GAS2L3: variants seen among roughly 807,000 people sequenced by gnomAD.
The protein encoded by GAS2L3 is GAS2-like protein 3.
In GAS2L3, 28 loss-of-function variants were observed where a neutral mutation model predicts 37.0. The ratio of observed to expected loss-of-function variants is 0.76; its 90% CI spans 0.56 to 1.04. The LOEUF (loss-of-function observed/expected upper bound fraction) is 1.04. Among genes scored for constraint, GAS2L3 ranks in the 50% least tolerant of loss-of-function variants. GAS2L3 has a pLI of 0.00. For missense variants in GAS2L3, 793 were observed against 817.6 expected (o/e 0.97, Z 0.37); for synonymous variants, 290 against 296.6 (o/e 0.98, Z 0.23).
intron 6 of GAS2L3, among the ~76,000 whole-genome samples, chr12:100,613,006 C>A (rs113617998): frequency 8.4e-4 from 128 of 152,324 alleles, no homozygotes; most frequent in African/African-American, 2.9e-3. Context: ...CATCTGGGCA[C>A]CCCTATCCAG....
intron 5 of GAS2L3, among the ~76,000 whole-genome samples, chr12:100,603,681 G>T (rs943186563): frequency 6.6e-6 from 1 of 151,990 alleles, no homozygotes; most frequent in Non-Finnish European, 1.5e-5. Flanking sequence ...TGCTTATGGG[G>T]TATTACTCAC....
intron 5 of GAS2L3, among the ~76,000 whole-genome samples, chr12:100,610,602 T>C (rs1208604052): frequency 6.6e-6 from 1 of 151,940 alleles, no homozygotes; most frequent in Non-Finnish European, 1.5e-5. Flanking sequence ...TGGAAATAAA[T>C]AGTAACAGGA....
At chr12:100,600,331 C>A in intron 3 of GAS2L3, 51 bp from the exon 4 acceptor site, 1 of 1,199,788 alleles carries the variant, frequency 8.3e-7, no homozygotes, top group Non-Finnish European at 1.2e-6. Flanking sequence ...ATTATGATGA[C>A]TTTTAGCAAA....
chr12:100,616,266 A>G (rs929901870), intron 6 of GAS2L3, among the ~76,000 whole-genome samples: 1 of 151,892 alleles, frequency 6.6e-6, no homozygotes, highest in African/African-American at 2.4e-5. Context: ...TTTTCGTTTC[A>G]TTTTCAGACT....
intron 9 of GAS2L3, among the ~76,000 whole-genome samples, chr12:100,622,838 A>G (rs1956276882): frequency 6.7e-6 from 1 of 149,140 alleles, no homozygotes; most frequent in African/African-American, 2.4e-5. Context: ...TTAAACAGAA[A>G]ATATTTTTCT....
intron 1 of GAS2L3, among the ~76,000 whole-genome samples, chr12:100,590,978 A>C (rs2136422350): frequency 6.6e-6 from 1 of 152,276 alleles, no homozygotes; most frequent in South Asian, 2.1e-4. Context: ...AATATGGTGC[A>C]GTGTATACTG....
intron 5 of GAS2L3, among the ~76,000 whole-genome samples, chr12:100,607,061 T>A (rs1465039881): frequency 6.6e-6 from 1 of 152,216 alleles, no homozygotes; most frequent in African/African-American, 2.4e-5. Flanking sequence ...CTCATTAACA[T>A]CCTTTTCTTT....
At chr12:100,613,788 G>A (rs1344379302) in intron 6 of GAS2L3, among the ~76,000 whole-genome samples, 1 of 151,892 alleles carries the variant, frequency 6.6e-6, no homozygotes, top group African/African-American at 2.4e-5. Flanking sequence ...TAGAGGCTGG[G>A]TTACACCATG....
In GAS2L3 at chr12:100,601,636, A is replaced by G. The variant is rs1386676229; in HGVS notation, c.188-2A>G. 8.3e-7 allele frequency: 1 copy of G among 1,210,298 alleles called. No individual in the cohort carries two copies. The highest frequency in any genetic ancestry group is 1.5e-5 in the African/African-American group (1 of 67,086). The allele number at this position is 1,210,298 out of a possible 1,614,324, so 75.0% of individuals were successfully genotyped here. A position where few individuals can be genotyped will look rare whatever the true frequency, so the allele number is the denominator to read the frequency against. ...ATTCTTAACTTTGAAATATGTTTTT[A>G]GGTATTAAAGTTAAGGCAGAAAAAT... On this transcript the variant is annotated splice_acceptor_variant, in intron 4 of 9. Coordinates refer to ENST00000547754, the MANE Select transcript of GAS2L3 (RefSeq NM_174942.3). LOFTEE classifies it high-confidence loss of function.
At chr12:100,617,844 T>C (rs761889392) in intron 7 of GAS2L3, 37 bp downstream of exon 7, 11 of 1,203,620 alleles carry the variant, frequency 9.1e-6, no homozygotes, top group South Asian at 7.7e-5. Context: ...TTCAATGTTA[T>C]AAACATTTTA....
rs550346966 is a variant in GAS2L3, at chr12:100,591,873, C to T, written c.-31+17C>T. On this transcript the variant is annotated intron_variant, in intron 2 of 9. Coordinates refer to ENST00000547754, the MANE Select transcript of GAS2L3 (RefSeq NM_174942.3). ...GTCTTTATGGTGAGTTATTTTAGTA[C>T]ACATTAAGAAATACATGAAATATGA... The T allele has an allele frequency of 6.6e-6, 1 of 152,010 alleles. No homozygotes were observed. Among genetic ancestry groups the T allele is most frequent in the African/African-American group, 2.4e-5 (1 of 41,394 alleles). The allele number at this position is 152,010 out of a possible 1,614,324, so 9.4% of individuals were successfully genotyped here. A position where few individuals can be genotyped will look rare whatever the true frequency, so the allele number is the denominator to read the frequency against.
intron 6 of GAS2L3, among the ~76,000 whole-genome samples, chr12:100,613,056 G>C (rs1956145308): frequency 6.6e-6 from 1 of 152,148 alleles, no homozygotes; most frequent in African/African-American, 2.4e-5. Flanking sequence ...CCCTCTGTTT[G>C]CACCTTGCTT....
At chr12:100,607,616 A>G (rs1463571899) in intron 5 of GAS2L3, among the ~76,000 whole-genome samples, 4 of 151,302 alleles carry the variant, frequency 2.6e-5, no homozygotes, top group African/African-American at 9.7e-5. Context: ...GTTGTTTTTT[A>G]TCTTTTCTTT....
intron 4 of GAS2L3, 46 bp from the exon 5 acceptor site, chr12:100,601,592 G>T: frequency 1.1e-6 from 1 of 870,622 alleles, no homozygotes; most frequent in Non-Finnish European, 2.0e-6. Context: ...TAACCATATT[G>T]TTTTTATGTT....
At chr12:100,592,063 A>C (rs1342416127) in intron 2 of GAS2L3, among the ~76,000 whole-genome samples, 1 of 152,170 alleles carries the variant, frequency 6.6e-6, no homozygotes, top group East Asian at 1.9e-4. Flanking sequence ...ATTTTGACAT[A>C]CAGAAAGGCA....
intron 6 of GAS2L3, among the ~76,000 whole-genome samples, chr12:100,615,129 G>A (rs1328787136): frequency 1.3e-5 from 2 of 152,138 alleles, no homozygotes; most frequent in Non-Finnish European, 2.9e-5. Flanking sequence ...TGCCAGCAGT[G>A]CCCAATGTTC....
In GAS2L3 at chr12:100,623,201, A is replaced by C. The variant is rs11110443; in HGVS notation, c.757-361A>C. Reference sequence around the variant, plus strand: ...GTAGTGCACAGAGCATAGGACTTAGAGTTAAAATTTGTGGATAATCTCATA... The same window carrying C: ...GTAGTGCACAGAGCATAGGACTTAGCGTTAAAATTTGTGGATAATCTCATA... On this transcript the variant is annotated intron_variant, in intron 9 of 9. Transcript: ENST00000547754. Among the ~76,000 whole-genome samples the C allele has an allele frequency of 5.5e-3, 838 of 152,256 alleles. 23 individuals are homozygous for C. Among genetic ancestry groups the C allele is most frequent in the East Asian group, 0.027 (142 of 5,178 alleles).
In GAS2L3 at chr12:100,611,733, G is replaced by A. The variant is rs1956129086; in HGVS notation, c.304-267G>A. On this transcript the variant is annotated intron_variant, in intron 5 of 9. Coordinates refer to ENST00000547754, the MANE Select transcript of GAS2L3 (RefSeq NM_174942.3). Reference sequence around the variant, plus strand: ...CTGATCTGACAGGCAGAGCTCAGGTGGTAATGCTTGCTTACCCACTACTCA... The same window carrying A: ...CTGATCTGACAGGCAGAGCTCAGGTAGTAATGCTTGCTTACCCACTACTCA... 2.0e-5 allele frequency among the ~76,000 whole-genome samples: 3 copies of A among 152,080 alleles called. No homozygotes were observed. In the South Asian group the frequency reaches 6.2e-4, roughly 32 times the overall value.
intron 8 of GAS2L3, among the ~76,000 whole-genome samples, chr12:100,621,942 A>C (rs1956260241): frequency 6.6e-6 from 1 of 151,960 alleles, no homozygotes; most frequent in Admixed American, 6.6e-5. Context: ...AGAGAGACAG[A>C]CAGAGAGATA....
Sources: allele counts gnomAD v4.1 joint callset (sites outside exome capture counted in the v4.1 genomes callset), GRCh38; gene constraint gnomAD v4.1.1; transcripts MANE v1.5; gene names NCBI Gene and HGNC (gene_info 2026-07-23, HGNC 2026-07-21).